Variants in SLCO1B1 observed in about 807,000 individuals in gnomAD.
SLCO1B1 encodes OATP-2.
In SLCO1B1, 81 loss-of-function variants were observed where a neutral mutation model predicts 70.1. The observed-to-expected ratio is 1.16, with a 90% confidence interval of 0.97 to 1.39. SLCO1B1 has a LOEUF of 1.39. Ranked by LOEUF, SLCO1B1 falls within the 40% of genes most tolerant of loss-of-function variation. The probability of loss-of-function intolerance (pLI) is 0.00; values close to 1 mark genes in which losing one functional copy is unlikely to be tolerated. For missense variants in SLCO1B1, 895 were observed against 799.6 expected, an observed-to-expected ratio of 1.12 and a Z score of -1.44; for synonymous variants, 283 against 271.5, an observed-to-expected ratio of 1.04 and a Z score of -0.42.
chr12:21,156,459 A>G (rs1004803159), intron 2 of SLCO1B1, among the ~76,000 whole-genome samples: 1 of 152,186 alleles, frequency 6.6e-6, no homozygotes, highest in Non-Finnish European at 1.5e-5. Context: ...GAAATTAATC[A>G]AATCAGCACA....
At chr12:21,197,305 C>G in intron 8 of SLCO1B1, 117 bp downstream of exon 8, 2 of 1,048,642 alleles carry the variant, frequency 1.9e-6, no homozygotes. Context: ...TTCTTTTGCA[C>G]TAAATTTAGA....
chr12:21,174,626 T>C lies in SLCO1B1; in HGVS notation c.276T>C (p.His92=). The part of the protein sequence containing the change: ...VFVSYFGSKL[H]RPKLIGIGCF... ...TGAGTTACTTTGGATCCAAACTACA[T>C]AGACCAAAGTTAATTGGAATCGGTT... is the stretch of plus-strand genomic sequence containing the variant. The change falls in exon 4 of 15, where the codon CAT becomes CAC. Residue 92 remains histidine, a synonymous_variant. Transcript: ENST00000256958. The C allele has an allele frequency of 1.2e-6, 2 of 1,613,158 alleles. No homozygotes were observed. The highest frequency in any genetic ancestry group is 1.7e-6 in the Non-Finnish European group (2 of 1,179,508).
At chr12:21,211,212 C>G (rs909284848) in intron 11 of SLCO1B1, among the ~76,000 whole-genome samples, 1 of 152,036 alleles carries the variant, frequency 6.6e-6, no homozygotes, top group African/African-American at 2.4e-5. Context: ...ATAGATAGCT[C>G]TTATTATTTT....
intron 14 of SLCO1B1, among the ~76,000 whole-genome samples, chr12:21,235,799 A>C (rs978497703): frequency 6.6e-6 from 1 of 150,600 alleles, no homozygotes; most frequent in Non-Finnish European, 1.5e-5. Flanking sequence ...CTTTATTCAC[A>C]AATCTTCATT....
intron 11 of SLCO1B1, among the ~76,000 whole-genome samples, chr12:21,211,433 C>T (rs1413492779): frequency 6.6e-6 from 1 of 152,216 alleles, no homozygotes; most frequent in African/African-American, 2.4e-5. Context: ...GGTGGATAAG[C>T]TTTTGGATGT....
chr12:21,187,755 G>A (rs575857485), intron 7 of SLCO1B1, among the ~76,000 whole-genome samples: 34 of 152,218 alleles, frequency 2.2e-4, no homozygotes, highest in African/African-American at 7.9e-4. Context: ...AAATTCATAG[G>A]ATTAACAACA....
chr12:21,145,572 G>A (rs1940372013), intron 2 of SLCO1B1, among the ~76,000 whole-genome samples: 1 of 140,974 alleles, frequency 7.1e-6, no homozygotes, highest in Admixed American at 8.1e-5. Flanking sequence ...GCCCGCCTTG[G>A]CCTCCTAAAG....
At chr12:21,198,461 G>C (rs142779699) in intron 8 of SLCO1B1, among the ~76,000 whole-genome samples, 1 of 151,952 alleles carries the variant, frequency 6.6e-6, no homozygotes, top group African/African-American at 2.4e-5. Flanking sequence ...AAAAATAGTA[G>C]ATTGTCTAAA....
chr12:21,206,085 T>C, intron 11 of SLCO1B1, 52 bp downstream of exon 11: 1 of 1,462,650 alleles, frequency 6.8e-7, no homozygotes, highest in Middle Eastern at 1.8e-4. Context: ...CAGATTAGAT[T>C]GAACAATTTT....
At chr12:21,237,363 A>G (rs1026097637) in intron 14 of SLCO1B1, among the ~76,000 whole-genome samples, 4 of 152,172 alleles carry the variant, frequency 2.6e-5, no homozygotes, top group Non-Finnish European at 2.9e-5. Flanking sequence ...TTCACAGAGT[A>G]CAGAATTTTA....
At chr12:21,202,212 G>A (rs1355724011) in intron 9 of SLCO1B1, among the ~76,000 whole-genome samples, 1 of 152,058 alleles carries the variant, frequency 6.6e-6, no homozygotes, top group African/African-American at 2.4e-5. Flanking sequence ...ACTGTTGAGG[G>A]GTGGGAAGCA....
In SLCO1B1 at chr12:21,202,615, C is replaced by T. The variant is rs1941171464; in HGVS notation, c.1260C>T (p.Ser420=). 23 of 1,612,656 alleles carry T rather than the reference C, an allele frequency of 1.4e-5. No homozygotes were observed. The highest frequency in any genetic ancestry group is 1.9e-5 in the Non-Finnish European group (22 of 1,179,304). Residue 420 remains serine (S), a synonymous_variant, in exon 10 of 15, where the codon TCC becomes TCT. Transcript: ENST00000256958. Reference sequence around the variant, plus strand: ...GTTTTACTGCTGTGATGTCATTGTCCTTTTACCTATTATATTTTTTCATAC... The same window carrying T: ...GTTTTACTGCTGTGATGTCATTGTCTTTTTACCTATTATATTTTTTCATAC... ...FSCFTAVMSL[S]FYLLYFFILC...
chr12:21,212,425 G>C (rs1941298893), intron 11 of SLCO1B1, among the ~76,000 whole-genome samples: 1 of 135,384 alleles, frequency 7.4e-6, no homozygotes, highest in African/African-American at 2.8e-5. Flanking sequence ...TGTGGTCTGA[G>C]AGATAGTTTG....
chr12:21,160,827 G>C (rs1346198602), intron 2 of SLCO1B1, among the ~76,000 whole-genome samples: 1 of 151,350 alleles, frequency 6.6e-6, no homozygotes. Flanking sequence ...AAAACAAACG[G>C]CCTCATTAAA....
At chr12:21,220,519 T>G (rs556486918) in intron 12 of SLCO1B1, among the ~76,000 whole-genome samples, 1 of 152,228 alleles carries the variant, frequency 6.6e-6, no homozygotes, top group African/African-American at 2.4e-5. Context: ...ATGGAACTAA[T>G]GAGATCTTCT....
chr12:21,177,029 C>T, intron 5 of SLCO1B1, 132 bp downstream of exon 5: 1 of 698,324 alleles, frequency 1.4e-6, no homozygotes, highest in Admixed American at 2.2e-5. Flanking sequence ...CTCTTACAGA[C>T]ATAATTATAG....
At chr12:21,207,661 G>T (rs892080422) in intron 11 of SLCO1B1, among the ~76,000 whole-genome samples, 1 of 152,016 alleles carries the variant, frequency 6.6e-6, no homozygotes, top group Admixed American at 6.6e-5. Flanking sequence ...TATATACCCG[G>T]TAGTGGGATT....
intron 14 of SLCO1B1, among the ~76,000 whole-genome samples, chr12:21,229,591 C>T (rs1013999773): frequency 6.6e-6 from 1 of 152,098 alleles, no homozygotes; most frequent in African/African-American, 2.4e-5. Flanking sequence ...ATTCCATTGT[C>T]TAGATGTATA....
intron 2 of SLCO1B1, among the ~76,000 whole-genome samples, chr12:21,153,283 G>C (rs1940497842): frequency 1.3e-5 from 2 of 152,006 alleles, no homozygotes; most frequent in Admixed American, 6.6e-5. Flanking sequence ...ATTTTTTATT[G>C]TATTTTCTTA....
Sources: allele counts gnomAD v4.1 joint callset (sites outside exome capture counted in the v4.1 genomes callset), GRCh38; gene constraint gnomAD v4.1.1; transcripts MANE v1.5; gene names NCBI Gene and HGNC (gene_info 2026-07-23, HGNC 2026-07-21).